The following MGAT4C variants were observed in gnomAD, a reference collection of about 807,000 sequenced individuals.
MGAT4C encodes alpha-1,3-mannosyl-glycoprotein 4-beta-N-acetylglucosaminyltransferase C.
In MGAT4C, 19 loss-of-function variants were observed where a neutral mutation model predicts 40.1. The observed-to-expected ratio is 0.47, with a 90% CI of 0.33 to 0.70. The LOEUF is 0.70. Among genes scored for constraint, MGAT4C ranks in the 30% least tolerant of loss-of-function variants. The pLI, the probability that MGAT4C is intolerant of heterozygous loss-of-function variation, is 0.02. For missense variants in MGAT4C, 491 were observed against 563.2 expected (o/e 0.87, Z 1.30); for synonymous variants, 181 against 187.1 (o/e 0.97, Z 0.27).
intron 1 of MGAT4C, among the ~76,000 whole-genome samples, chr12:86,169,594 T>C (rs1294752691): frequency 2.6e-5 from 4 of 152,198 alleles, no homozygotes; most frequent in Admixed American, 1.3e-4. Context: ...ACTCCATTGG[T>C]GTAGTTTCAT....
rs149254595 is a variant in MGAT4C, at chr12:86,703,139, C to T, written c.-229+24070G>A. 9.0e-3 allele frequency among the ~76,000 whole-genome samples: 1,364 copies of T among 152,090 alleles called. 8 individuals carry two copies. The highest frequency in any genetic ancestry group is 0.02 in the Middle Eastern group (6 of 294). ...GAATTGTTGAAATCTCATGATCACA[C>T]GTAAATAGATGAGGAATTGCTTCTT... On this transcript the variant is annotated intron_variant, in intron 2 of 7. Transcript: ENST00000548651.
chr12:86,369,591 G>T (rs767898413), intron 3 of MGAT4C, among the ~76,000 whole-genome samples: 4 of 151,940 alleles, frequency 2.6e-5, no homozygotes, highest in Non-Finnish European at 4.4e-5. Flanking sequence ...TCAATCACAT[G>T]CAGTAATTCT....
intron 2 of MGAT4C, among the ~76,000 whole-genome samples, chr12:86,020,999 A>C (rs576141315): frequency 0.027 from 4,161 of 152,312 alleles, 74 homozygotes; most frequent in Middle Eastern, 0.048. Flanking sequence ...GCTCATCATC[A>C]CTGGCCATGA....
intron 4 of MGAT4C, among the ~76,000 whole-genome samples, chr12:86,303,481 G>C (rs1456271993): frequency 6.7e-6 from 1 of 149,580 alleles, no homozygotes; most frequent in African/African-American, 2.5e-5. Flanking sequence ...TTCCTACCTT[G>C]AGTCAGATCT....
chr12:86,072,777 AT>A (rs1868828947), intron 1 of MGAT4C, among the ~76,000 whole-genome samples: 3 of 152,110 alleles, frequency 2.0e-5, no homozygotes, highest in Admixed American at 1.3e-4. Context: ...CTATACTAAT[AT>A]TTTTTACACC....
At chr12:86,531,893 T>C (rs1958991798) in intron 2 of MGAT4C, among the ~76,000 whole-genome samples, 1 of 152,002 alleles carries the variant, frequency 6.6e-6, no homozygotes, top group African/African-American at 2.4e-5. Context: ...ATCCCTAGTA[T>C]ATTGGCATGC....
intron 2 of MGAT4C, among the ~76,000 whole-genome samples, chr12:86,657,241 A>G (rs1235399992): frequency 6.6e-6 from 1 of 151,960 alleles, no homozygotes; most frequent in East Asian, 1.9e-4. Context: ...AAAACATATA[A>G]AGCTTTGAGT....
At position 85,965,942 on chromosome 12, in the gene MGAT4C, G is replaced by A. The variant is rs1883342034; in HGVS notation, c.*13347C>T. 1 of 151,966 alleles carries A rather than the reference G, an allele frequency of 6.6e-6. No homozygotes were observed. The highest frequency in any genetic ancestry group is 2.4e-5 in the African/African-American group (1 of 41,386). The allele number at this position is 151,966 out of a possible 1,614,324, so 9.4% of individuals were successfully genotyped here. ...TGTAGGACTCTGGATAGAAAGAGAT[G>A]GCCCAGGATACAGAGGGCACTCCTT... On this transcript the variant is annotated 3_prime_UTR_variant, in exon 5 of 5. Coordinates refer to ENST00000611864, the MANE Select transcript of MGAT4C (RefSeq NM_001351288.2).
At chr12:86,125,957 GA>G (rs33989663) in intron 1 of MGAT4C, among the ~76,000 whole-genome samples, 151,536 of 151,552 alleles carry the variant, frequency 1, 75,760 homozygotes, top group Middle Eastern at 1. Flanking sequence ...AAAAATAAAA[GA>G]AAAAAAATGA....
At chr12:86,698,679 G>C (rs564196142) in intron 2 of MGAT4C, among the ~76,000 whole-genome samples, 8 of 149,160 alleles carry the variant, frequency 5.4e-5, no homozygotes, top group Admixed American at 2.1e-4. Flanking sequence ...GCTGAGCTGT[G>C]GGGGGGGTGG....
chr12:86,770,329 T>C (rs1424777230), intron 1 of MGAT4C, among the ~76,000 whole-genome samples: 2 of 152,078 alleles, frequency 1.3e-5, no homozygotes, highest in South Asian at 2.1e-4. Flanking sequence ...ATGTATTATT[T>C]ATATTAATCT....
At chr12:86,041,373 C>A (rs1438993049) in intron 2 of MGAT4C, among the ~76,000 whole-genome samples, 1 of 151,912 alleles carries the variant, frequency 6.6e-6, no homozygotes, top group Non-Finnish European at 1.5e-5. Context: ...AGTTGAGATA[C>A]TTTGCTGTTG....
rs151324934 is a variant in MGAT4C at position 86,443,949 on chromosome 12, T to C, written c.-228-8684A>G. Reference sequence around the variant, plus strand: ...CCAAACTTTCTCATGCTAATTCTTCTTATTCATATAAGTTACTCCCTCTGC... The same window carrying C: ...CCAAACTTTCTCATGCTAATTCTTCCTATTCATATAAGTTACTCCCTCTGC... On this transcript the variant is annotated intron_variant, in intron 2 of 7. Coordinates refer to the MGAT4C transcript ENST00000548651. 1.1e-4 allele frequency among the ~76,000 whole-genome samples: 16 copies of C among 152,268 alleles called. No individual in the cohort carries two copies. The East Asian group carries it at 2.9e-3, about 28-fold the overall frequency.
At chr12:86,295,457 G>A (rs111650380) in intron 4 of MGAT4C, among the ~76,000 whole-genome samples, 231 of 152,292 alleles carry the variant, frequency 1.5e-3, no homozygotes, top group African/African-American at 5.3e-3. Flanking sequence ...GGGCTCAGGA[G>A]TGAAGCTGCA....
In MGAT4C at chr12:86,490,491, G is replaced by A. The variant is rs560714863; in HGVS notation, c.-228-55226C>T. 3.2e-3 allele frequency among the ~76,000 whole-genome samples: 490 copies of A among 151,982 alleles called. 2 individuals carry two copies. The highest frequency in any genetic ancestry group is 0.011 in the African/African-American group (476 of 41,466). On this transcript the variant is annotated intron_variant, in intron 2 of 7. Transcript: ENST00000548651. ...ATCATGCCAAATTGTAAAGACCATC[G>A]AGACTAGGAAGAAACTGCATCAATT... is the stretch of plus-strand genomic sequence containing the variant.
At chr12:86,064,467 G>C (rs1793343136) in intron 1 of MGAT4C, among the ~76,000 whole-genome samples, 1 of 152,128 alleles carries the variant, frequency 6.6e-6, no homozygotes, top group Non-Finnish European at 1.5e-5. Flanking sequence ...AATGACTACT[G>C]GGTAAATAAT....
At chr12:86,463,371 T>G (rs540755681) in intron 2 of MGAT4C, among the ~76,000 whole-genome samples, 1 of 152,294 alleles carries the variant, frequency 6.6e-6, no homozygotes, top group East Asian at 1.9e-4. Flanking sequence ...TTTAGTCATA[T>G]CTTTGAACAA....
chr12:86,821,448 A>C lies in MGAT4C; in HGVS notation c.-262+17218T>G, dbSNP rs377613256. ...ACAAGCATAGAATTTGTAATAATCA[A>C]CTCAGGGTAATTGGATATCCATCAC... On this transcript the variant is annotated intron_variant, in intron 1 of 7. Coordinates refer to the MGAT4C transcript ENST00000548651. 1.3e-4 allele frequency among the ~76,000 whole-genome samples: 20 copies of C among 151,016 alleles called. No homozygotes were observed. The East Asian group carries it at 3.5e-3, about 26-fold the overall frequency.
chr12:86,296,588 C>T (rs558852925), intron 4 of MGAT4C, among the ~76,000 whole-genome samples: 1 of 152,196 alleles, frequency 6.6e-6, no homozygotes, highest in East Asian at 1.9e-4. Flanking sequence ...TCGAGCGCAG[C>T]GCCGGTGGGC....
Sources: gnomAD v4.1 joint callset for allele counts (sites outside exome capture counted in the v4.1 genomes callset) on GRCh38, gnomAD v4.1.1 for gene constraint, MANE v1.5 for transcripts, NCBI Gene and HGNC (gene_info 2026-07-23, HGNC 2026-07-21) for gene names.